Variants in CPEB3 observed in about 807,000 individuals in gnomAD.
CPEB3 encodes the protein cytoplasmic polyadenylation element-binding protein 3.
Under a neutral mutation model 67.2 loss-of-function variants are expected in CPEB3, and 20 were observed. That is an observed-to-expected ratio of 0.30 (90% CI 0.21 to 0.43). The LOEUF (loss-of-function observed/expected upper bound fraction) is 0.43, where lower values mean the gene tolerates loss of function less well. Ranked by LOEUF, CPEB3 falls within the 20% of genes least tolerant of loss-of-function variation. CPEB3 has a pLI of 1.00. For missense variants in CPEB3, 746 were observed against 968.6 expected, an observed-to-expected ratio of 0.77 and a Z score of 3.05; for synonymous variants, 376 against 393.1, an observed-to-expected ratio of 0.96 and a Z score of 0.51.
chr10:92,269,375 T>A (rs1485932211), intron 1 of CPEB3, among the ~76,000 whole-genome samples: 1 of 152,150 alleles, frequency 6.6e-6, no homozygotes, highest in Non-Finnish European at 1.5e-5. Flanking sequence ...CAATTAGTAT[T>A]TTTATTAAAA....
chr10:92,089,170 AC>A (rs1190741574), intron 8 of CPEB3, among the ~76,000 whole-genome samples: 5 of 152,168 alleles, frequency 3.3e-5, no homozygotes, highest in South Asian at 4.1e-4. Flanking sequence ...CCTTTAAAAA[AC>A]GTCTTCTATT....
chr10:92,076,017 TAATG>T lies in CPEB3; in HGVS notation c.1869+5299_1869+5302del, dbSNP rs540452859. Among the ~76,000 whole-genome samples, 10 of 152,316 alleles carry T rather than the reference TAATG, an allele frequency of 6.6e-5. No homozygotes were observed. In the East Asian group the frequency reaches 1.2e-3, roughly 18 times the overall value. Reference sequence around the variant, plus strand: ...CTACTGCTTTCATTGTTCCAACACTTAATGAATTGTCTCACTTGATGGTCAGGCA... The same window carrying T: ...CTACTGCTTTCATTGTTCCAACACTTAATTGTCTCACTTGATGGTCAGGCA... On this transcript the variant is annotated intron_variant, in intron 9 of 9. Coordinates refer to ENST00000265997, the MANE Select transcript of CPEB3 (RefSeq NM_014912.5).
intron 7 of CPEB3, among the ~76,000 whole-genome samples, chr10:92,096,842 C>T (rs776442662): frequency 6.6e-6 from 1 of 152,150 alleles, no homozygotes; most frequent in Non-Finnish European, 1.5e-5. Context: ...ACTCAGGAAG[C>T]TGAGGCAGGA....
intron 6 of CPEB3, among the ~76,000 whole-genome samples, chr10:92,117,324 CTTTT>C (rs35220275): frequency 0.32 from 25,405 of 78,178 alleles, 2,868 homozygotes; most frequent in African/African-American, 0.39. Flanking sequence ...GCCTGGCTGA[CTTTT>C]TTTTTTTTTT....
At chr10:92,156,746 C>T (rs1371877252) in intron 4 of CPEB3, among the ~76,000 whole-genome samples, 1 of 151,810 alleles carries the variant, frequency 6.6e-6, no homozygotes, top group African/African-American at 2.4e-5. Context: ...ATATTTATTT[C>T]CAAGGATAGA....
At chr10:92,283,280 C>G (rs1343796740) in intron 1 of CPEB3, among the ~76,000 whole-genome samples, 1 of 151,962 alleles carries the variant, frequency 6.6e-6, no homozygotes, top group African/African-American at 2.4e-5. Flanking sequence ...TCCCCTAAAT[C>G]ACCCTCACCT....
intron 2 of CPEB3, chr10:92,216,858 C>G (rs1420893796): frequency 1.4e-6 from 2 of 1,457,054 alleles, no homozygotes; most frequent in Non-Finnish European, 1.9e-6. Flanking sequence ...GGACGACTGG[C>G]TGTCCTCCTG....
chr10:92,212,285 T>C (rs1776057643), intron 2 of CPEB3, among the ~76,000 whole-genome samples: 1 of 150,130 alleles, frequency 6.7e-6, no homozygotes, highest in South Asian at 2.1e-4. Flanking sequence ...AACAAGACAG[T>C]GTACAACAAG....
At chr10:92,082,908 T>A (rs1435823135) in intron 8 of CPEB3, among the ~76,000 whole-genome samples, 1 of 152,094 alleles carries the variant, frequency 6.6e-6, no homozygotes, top group Non-Finnish European at 1.5e-5. Flanking sequence ...GGAATCAGTA[T>A]CTGGGGAGAT....
chr10:92,193,475 T>C (rs78354047), intron 2 of CPEB3, among the ~76,000 whole-genome samples: 1 of 151,992 alleles, frequency 6.6e-6, no homozygotes, highest in Admixed American at 6.6e-5. Flanking sequence ...TTTTTTTTTT[T>C]GAGACAAGGT....
At chr10:92,201,349 G>A (rs181727070) in intron 2 of CPEB3, among the ~76,000 whole-genome samples, 35 of 152,300 alleles carry the variant, frequency 2.3e-4, no homozygotes, top group Admixed American at 1.6e-3. Flanking sequence ...CCAACATGGT[G>A]AAACCCCGTC....
Position 92,180,983 on chromosome 10 carries a change from T to C in CPEB3, c.1202A>G (p.Asp401Gly). 6.6e-7 allele frequency: 1 copy of C among 1,512,334 alleles called. No homozygotes were observed. The highest frequency in any genetic ancestry group is 9.2e-7 in the Non-Finnish European group (1 of 1,088,250). 93.7% of individuals were successfully genotyped at this position (1,512,334 alleles called of 1,614,324 possible). ...CTTACTGTTAAGTGCCATAATATTA[T>C]CTGTTCCTGGATGATGGAAATTTAT... is the stretch of plus-strand genomic sequence containing the variant. Reference protein sequence around the residue: ...MGINFHHPGTDNIMALNNAFL... With the variant: ...MGINFHHPGTGNIMALNNAFL... The change falls in exon 4 of 10, where the codon GAT (aspartate) becomes GGT (glycine). Residue 401 changes from aspartate to glycine, a missense_variant. Physicochemically the swap from Asp to Gly is moderately conservative, Grantham distance 94. Transcript: ENST00000265997.
intron 2 of CPEB3, among the ~76,000 whole-genome samples, chr10:92,200,683 G>GA (rs2134241999): frequency 1.3e-5 from 2 of 151,530 alleles, no homozygotes; most frequent in South Asian, 4.2e-4. Context: ...TGTGTAACAG[G>GA]AAACCAAGCT....
intron 1 of CPEB3, among the ~76,000 whole-genome samples, chr10:92,285,969 G>A (rs1313367975): frequency 6.7e-6 from 1 of 148,634 alleles, no homozygotes; most frequent in African/African-American, 2.5e-5. Flanking sequence ...TTGAGAGGGA[G>A]TCTGTCCCCA....
intron 4 of CPEB3, among the ~76,000 whole-genome samples, chr10:92,158,300 T>C (rs988203341): frequency 6.6e-6 from 1 of 152,204 alleles, no homozygotes; most frequent in African/African-American, 2.4e-5. Context: ...TGGCAGCCAC[T>C]GGAACAGATA....
chr10:92,102,240 G>A (rs1844225443), intron 7 of CPEB3, among the ~76,000 whole-genome samples: 2 of 152,156 alleles, frequency 1.3e-5, no homozygotes, highest in Admixed American at 6.5e-5. Flanking sequence ...GGGTAGCTCT[G>A]GGGGCTTCAG....
Position 92,182,381 on chromosome 10 carries a change from G to A in CPEB3, c.1166-1362C>T, listed in dbSNP as rs747981923. Among the ~76,000 whole-genome samples the A allele has an allele frequency of 5.5e-4, 84 of 152,174 alleles. 2 individuals carry two copies. Among genetic ancestry groups the A allele is most frequent in the Non-Finnish European group, 1.9e-4 (13 of 68,026 alleles). ...TAAGTTCTTTTTGCCCAAAAGGAAA[G>A]CATCACAGTAGACAAAGCAGGGCAT... On this transcript the variant is annotated intron_variant, in intron 3 of 9. Coordinates refer to ENST00000265997, the MANE Select transcript of CPEB3 (RefSeq NM_014912.5).
At chr10:92,079,054 T>C (rs947283871) in intron 9 of CPEB3, among the ~76,000 whole-genome samples, 4 of 152,102 alleles carry the variant, frequency 2.6e-5, no homozygotes, top group Non-Finnish European at 5.9e-5. Context: ...GTTCTGGCTT[T>C]AGAGGAGAAA....
intron 2 of CPEB3, among the ~76,000 whole-genome samples, chr10:92,225,082 C>A (rs962621170): frequency 1.7e-4 from 26 of 151,570 alleles, no homozygotes; most frequent in South Asian, 4.1e-4. Context: ...TCAAGCAATT[C>A]TCCTGCCTTA....
Sources: allele counts gnomAD v4.1 joint callset (sites outside exome capture counted in the v4.1 genomes callset), GRCh38; gene constraint gnomAD v4.1.1; transcripts MANE v1.5; gene names NCBI Gene and HGNC (gene_info 2026-07-23, HGNC 2026-07-21).